The following SPATA24 variants were observed in gnomAD, a reference collection of about 807,000 sequenced individuals.
The protein encoded by SPATA24 is spermatogenesis associated 24, also known as spermatogenesis-associated protein 24.
SPATA24 carries 21 observed loss-of-function variants against 28.9 expected under a neutral mutation model. The ratio of observed to expected loss-of-function variants is 0.73; its 90% CI spans 0.52 to 1.05. The LOEUF is 1.05. Among genes scored for constraint, SPATA24 ranks in the 50% least tolerant of loss-of-function variants. The pLI is 0.00. For missense variants in SPATA24, 215 were observed against 242.9 expected (o/e 0.88, Z 0.76); for synonymous variants, 76 against 89.9 (o/e 0.85, Z 0.88).
downstream of SPATA24, chr5:139,396,418 C>T (rs1758707087): frequency 2.8e-6 from 3 of 1,083,960 alleles, no homozygotes; most frequent in South Asian, 5.4e-5. Context: ...GCAGGTATAA[C>T]ATTATTGTCA....
At chr5:139,399,333 AGGTT>A (rs1036814996) in intron 4 of SPATA24, among the ~76,000 whole-genome samples, 1 of 151,438 alleles carries the variant, frequency 6.6e-6, no homozygotes, top group Non-Finnish European at 1.5e-5. Flanking sequence ...AAAAAAAAAA[AGGTT>A]GGACAAGAAT....
At chr5:139,394,462 T>C (rs1299779996), downstream of SPATA24, 2 of 1,409,602 alleles carry the variant, frequency 1.4e-6, no homozygotes, top group Non-Finnish European at 1.8e-6. Context: ...GATCTGACGC[T>C]TGGGCACTGT....
At position 139,396,829 on chromosome 5, in the gene SPATA24, G is replaced by T; in HGVS notation, c.589C>A (p.Arg197Ser). 1 of 1,551,718 alleles carries T rather than the reference G, an allele frequency of 6.4e-7. No homozygotes were observed. ...HKKASGTRQARSHQHPREK is the reference protein window; with the variant it reads ...HKKASGTRQASSHQHPREK ...TTTTCCCTGGGATGCTGGTGGCTGCGGGCCTGACGTGTCCCTGAGGCTTTC... is the reference window on the plus strand; with the variant it reads ...TTTTCCCTGGGATGCTGGTGGCTGCTGGCCTGACGTGTCCCTGAGGCTTTC... Residue 197 changes from arginine (R) to serine (S), a missense_variant, in exon 6 of 6, where the codon CGC becomes AGC. By Grantham distance (110) the Arg-to-Ser change is moderately radical (BLOSUM62 -1). Transcript: ENST00000450845.
downstream of SPATA24, chr5:139,393,777 G>T (rs980045158): frequency 6.4e-7 from 1 of 1,551,330 alleles, no homozygotes; most frequent in Non-Finnish European, 8.7e-7. Context: ...TTTCCCACTC[G>T]GAGGAGGCTT....
At position 139,404,020 on chromosome 5, in the gene SPATA24, G is replaced by A. The variant is rs1339672353; in HGVS notation, c.41C>T (p.Ser14Phe). The change falls in exon 1 of 6, where the codon TCT (serine) becomes TTT (phenylalanine). Residue 14 changes from serine to phenylalanine, a missense_variant. Transcript: ENST00000450845. ...PLGWSKAGSG[S>F]VCLALDQLRD... ...CAGTTGATCTAAAGCGAGACACACA[G>A]ATCCTGACCCCGCCTTCGACCACCC... The A allele has an allele frequency of 3.2e-6, 5 of 1,551,904 alleles. No individual in the cohort carries two copies. In the South Asian group the frequency reaches 5.9e-5, roughly 18 times the overall value.
downstream of SPATA24, chr5:139,393,319 T>G: frequency 6.4e-7 from 1 of 1,550,922 alleles, no homozygotes; most frequent in Non-Finnish European, 8.7e-7. Context: ...GCCGGGCGGC[T>G]CGGGTGCTGC....
downstream of SPATA24, chr5:139,396,483 G>T: frequency 2.5e-6 from 3 of 1,183,058 alleles, no homozygotes; most frequent in Middle Eastern, 2.9e-4. Flanking sequence ...CACTGTCTTT[G>T]AAGTTTCTGG....
chr5:139,403,899 G>A, intron 1 of SPATA24, 45 bp downstream of exon 1: 1 of 1,484,066 alleles, frequency 6.7e-7, no homozygotes, highest in Non-Finnish European at 9.2e-7. Flanking sequence ...CCCCACCAGT[G>A]AGGCATCCGG....
downstream of SPATA24, chr5:139,393,180 C>G: frequency 6.5e-7 from 1 of 1,549,424 alleles, no homozygotes; most frequent in Non-Finnish European, 8.7e-7. Flanking sequence ...CTGGCGCGTA[C>G]GTGGTCTTCA....
downstream of SPATA24, chr5:139,394,156 G>T: frequency 6.5e-7 from 1 of 1,546,206 alleles, no homozygotes; most frequent in Non-Finnish European, 8.7e-7. Context: ...CGGGGCCTTG[G>T]CGGGGGCCGA....
chr5:139,393,449 C>T, downstream of SPATA24: 2 of 1,551,658 alleles, frequency 1.3e-6, no homozygotes, highest in Non-Finnish European at 1.7e-6. Flanking sequence ...GGTGCCAACT[C>T]CTCCTGAGTT....
intron 2 of SPATA24, 74 bp downstream of exon 2, chr5:139,402,550 ATACT>A: frequency 7.4e-7 from 1 of 1,343,262 alleles, no homozygotes; most frequent in South Asian, 1.3e-5. Flanking sequence ...TCAGAGGCTA[ATACT>A]TAATGAGCCT....
At position 139,396,848 on chromosome 5, in the gene SPATA24, G is replaced by A. The variant is rs981916112; in HGVS notation, c.570C>T (p.Ala190=). 6.4e-7 allele frequency: 1 copy of A among 1,551,718 alleles called. No individual in the cohort carries two copies. The change falls in exon 6 of 6, where the codon GCC becomes GCT. Residue 190 remains alanine, a synonymous_variant. Transcript: ENST00000450845. ...GGCTGCGGGCCTGACGTGTCCCTGA[G>A]GCTTTCTTATGCTTCTGGTCCAGCA... ...AQVLDQKHKK[A]SGTRQARSHQ...
intron 1 of SPATA24, 52 bp downstream of exon 1, chr5:139,403,892 C>T: frequency 6.9e-7 from 1 of 1,454,462 alleles, no homozygotes; most frequent in African/African-American, 1.4e-5. Context: ...GCCCCGCCCC[C>T]ACCAGTGAGG....
chr5:139,396,307 T>C (rs1364087383), downstream of SPATA24: 4 of 985,308 alleles, frequency 4.1e-6, no homozygotes, highest in African/African-American at 3.5e-5. Flanking sequence ...CCTTCCCAGA[T>C]TGTTTCTCCA....
At chr5:139,402,214 CTT>C in intron 2 of SPATA24, among the ~76,000 whole-genome samples, 169 bp from the exon 3 acceptor site, 1 of 150,804 alleles carries the variant, frequency 6.6e-6, no homozygotes, top group Non-Finnish European at 1.5e-5. Context: ...TTTCTTTTTT[CTT>C]TTTTCTTTTT....
chr5:139,394,613 G>A (rs1412444697), downstream of SPATA24: 4 of 1,533,826 alleles, frequency 2.6e-6, no homozygotes, highest in Admixed American at 7.9e-5. Flanking sequence ...ACCTGGGACT[G>A]GCGTGGGACC....
chr5:139,394,599 G>A (rs888229531), downstream of SPATA24: 6 of 1,531,826 alleles, frequency 3.9e-6, no homozygotes, highest in African/African-American at 4.2e-5. Flanking sequence ...AGCCACCATC[G>A]GGGACCTGGG....
intron 1 of SPATA24, among the ~76,000 whole-genome samples, chr5:139,403,511 C>T (rs1420901613): frequency 6.6e-6 from 1 of 152,192 alleles, no homozygotes; most frequent in Non-Finnish European, 1.5e-5. Context: ...TTCTTGGAGG[C>T]CCCTAAGTTA....
Sources: allele counts gnomAD v4.1 joint callset (sites outside exome capture counted in the v4.1 genomes callset), GRCh38; gene constraint gnomAD v4.1.1; transcripts MANE v1.5; gene names NCBI Gene and HGNC (gene_info 2026-07-23, HGNC 2026-07-21).